The following RTN1 variants were observed in gnomAD, a reference collection of about 807,000 sequenced individuals.
RTN1 encodes reticulon-1.
RTN1 carries 25 observed loss-of-function variants against 65.5 expected under a neutral mutation model. That is an observed-to-expected ratio of 0.38 (90% CI 0.28 to 0.53). The LOEUF is 0.53. Among genes scored for constraint, RTN1 ranks in the 20% least tolerant of loss-of-function variants. The pLI is 0.79. For missense variants in RTN1, 983 were observed against 1,025.4 expected (o/e 0.96, Z 0.57); for synonymous variants, 471 against 447.6 (o/e 1.05, Z -0.66).
intron 2 of RTN1, among the ~76,000 whole-genome samples, chr14:59,731,130 A>G (rs969191709): frequency 3.9e-5 from 6 of 152,248 alleles, no homozygotes; most frequent in African/African-American, 1.4e-4. Flanking sequence ...ATAAATGGAT[A>G]AATAAAAATG....
chr14:59,744,074 T>C (rs1205853078), intron 2 of RTN1, among the ~76,000 whole-genome samples: 1 of 152,160 alleles, frequency 6.6e-6, no homozygotes, highest in Non-Finnish European at 1.5e-5. Flanking sequence ...GAAGGAACTT[T>C]GGGGAGAAGG....
intron 8 of RTN1, among the ~76,000 whole-genome samples, chr14:59,601,213 C>A (rs2140158018): frequency 6.6e-6 from 1 of 152,310 alleles, no homozygotes; most frequent in South Asian, 2.1e-4. Context: ...ACATGACTTA[C>A]ATTTTCATGC....
chr14:59,756,788 A>G (rs1429157418), intron 1 of RTN1, among the ~76,000 whole-genome samples: 1 of 128,510 alleles, frequency 7.8e-6, no homozygotes, highest in Non-Finnish European at 1.6e-5. Flanking sequence ...CCCCCCACAC[A>G]GAATTATCTT....
intron 3 of RTN1, among the ~76,000 whole-genome samples, chr14:59,616,078 T>A (rs768983756): frequency 1.6e-4 from 25 of 152,262 alleles, no homozygotes; most frequent in Non-Finnish European, 3.1e-4. Context: ...TCCTCTAAAG[T>A]CCAAAAATAA....
intron 2 of RTN1, among the ~76,000 whole-genome samples, chr14:59,731,234 A>G (rs1031762619): frequency 3.9e-5 from 6 of 152,210 alleles, no homozygotes; most frequent in African/African-American, 9.6e-5. Flanking sequence ...AAACAGTGAA[A>G]TAAGTCAGTC....
chr14:59,766,227 C>A lies in RTN1; in HGVS notation c.242-19746G>T, dbSNP rs1438251716. ...CCTGGGTGACAGAGTGAGACGCTGTCAAAAAAAAAAAATTCATTAACAATT... is the reference window on the plus strand; with the variant it reads ...CCTGGGTGACAGAGTGAGACGCTGTAAAAAAAAAAAAATTCATTAACAATT... On this transcript the variant is annotated intron_variant, in intron 1 of 8. Transcript: ENST00000267484. The surrounding 1 kb of genome is among the most constrained non-coding windows in gnomAD (Gnocchi z 4.4). Among the ~76,000 whole-genome samples, 6 of 147,704 alleles carry A rather than the reference C, an allele frequency of 4.1e-5. No homozygotes were observed. Among genetic ancestry groups the A allele is most frequent in the Non-Finnish European group, 3.0e-5 (2 of 66,588 alleles).
intron 1 of RTN1, among the ~76,000 whole-genome samples, chr14:59,763,964 T>C (rs1158555167): frequency 6.6e-6 from 1 of 152,204 alleles, no homozygotes; most frequent in Non-Finnish European, 1.5e-5. Flanking sequence ...TAGTTGCTAT[T>C]GTGAGGAAAG....
intron 1 of RTN1, among the ~76,000 whole-genome samples, chr14:59,807,632 A>G (rs969857227): frequency 2.6e-5 from 4 of 152,234 alleles, no homozygotes; most frequent in Admixed American, 2.6e-4. Flanking sequence ...GTTTCCCACA[A>G]GGAGTAACCC....
intron 3 of RTN1, among the ~76,000 whole-genome samples, chr14:59,635,942 C>T (rs1566668270): frequency 6.6e-6 from 1 of 152,020 alleles, no homozygotes; most frequent in Non-Finnish European, 1.5e-5. Context: ...TACATCTTTT[C>T]ACTTAAAGTT....
At chr14:59,723,264 ACAGT>A (rs1428337753) in intron 3 of RTN1, among the ~76,000 whole-genome samples, 1 of 152,174 alleles carries the variant, frequency 6.6e-6, no homozygotes, top group East Asian at 1.9e-4. Flanking sequence ...TGGCAAGAAG[ACAGT>A]CAGTTTCAAG....
chr14:59,813,225 T>A (rs912150039), intron 1 of RTN1, among the ~76,000 whole-genome samples: 2 of 152,212 alleles, frequency 1.3e-5, no homozygotes, highest in African/African-American at 4.8e-5. Context: ...TTTTCTGATG[T>A]GTGTCATATA....
chr14:59,697,686 GA>G (rs1265360222), intron 3 of RTN1, among the ~76,000 whole-genome samples: 5 of 152,126 alleles, frequency 3.3e-5, no homozygotes, highest in Non-Finnish European at 5.9e-5. Context: ...ATGTGAAATA[GA>G]AAAATATATA....
intron 3 of RTN1, among the ~76,000 whole-genome samples, chr14:59,622,064 A>G (rs1161154571): frequency 6.6e-6 from 1 of 152,210 alleles, no homozygotes; most frequent in African/African-American, 2.4e-5. Flanking sequence ...GGCCAGGCCC[A>G]GTGGCTCACA....
chr14:59,823,678 C>T (rs1886982537), intron 1 of RTN1, among the ~76,000 whole-genome samples: 1 of 152,136 alleles, frequency 6.6e-6, no homozygotes, highest in African/African-American at 2.4e-5. Flanking sequence ...ACATGGCCTG[C>T]CCCTTCTCTC....
At chr14:59,627,664 AAGG>A (rs747810356) in intron 3 of RTN1, among the ~76,000 whole-genome samples, 3 of 152,220 alleles carry the variant, frequency 2.0e-5, no homozygotes, top group Non-Finnish European at 4.4e-5. Flanking sequence ...TAGTATATAT[AAGG>A]AGGACTTTAG....
In RTN1 at chr14:59,819,411, ACCACCCCCCCCCCACCCC is replaced by A. The variant is rs1566737457; in HGVS notation, c.241+50961_241+50978del. On this transcript the variant is annotated intron_variant, in intron 1 of 8. Coordinates refer to ENST00000267484, the MANE Select transcript of RTN1 (RefSeq NM_021136.3). Reference sequence around the variant, plus strand: ...AGCTGATTGGTGCATCCACACCACCACCACCCCCCCCCCACCCCCCACCCCCCCCCCCCGGCCACAGCT... The same window carrying A: ...AGCTGATTGGTGCATCCACACCACCACCACCCCCCCCCCCCGGCCACAGCT... Among the ~76,000 whole-genome samples, 25 of 12,732 alleles carry A rather than the reference ACCACCCCCCCCCCACCCC, an allele frequency of 2.0e-3. 2 individuals are homozygous for A. Among genetic ancestry groups the A allele is most frequent in the Non-Finnish European group, 2.6e-3 (18 of 7,028 alleles). 8.4% of individuals were successfully genotyped at this position (12,732 alleles called of 152,430 possible). A position where few individuals can be genotyped will look rare whatever the true frequency, so the allele number is the denominator to read the frequency against.
At chr14:59,640,218 T>C (rs1882747931) in intron 3 of RTN1, among the ~76,000 whole-genome samples, 3 of 152,238 alleles carry the variant, frequency 2.0e-5, no homozygotes, top group Admixed American at 1.3e-4. Context: ...ATTTCTTTAA[T>C]AGATGTTAGG....
chr14:59,743,919 T>C (rs1885163693), intron 2 of RTN1, among the ~76,000 whole-genome samples: 1 of 152,166 alleles, frequency 6.6e-6, no homozygotes, highest in African/African-American at 2.4e-5. Context: ...TTTTCGTTAA[T>C]TCCCCATCAG....
chr14:59,750,400 T>TATA (rs1373863681), intron 1 of RTN1, among the ~76,000 whole-genome samples: 6,632 of 53,818 alleles, frequency 0.12, 775 homozygotes, highest in Middle Eastern at 0.32. Context: ...ATCTATAATA[T>TATA]ATATATTATA....
Sources: allele counts gnomAD v4.1 joint callset (sites outside exome capture counted in the v4.1 genomes callset), GRCh38; gene constraint gnomAD v4.1.1; non-coding constraint Gnocchi (gnomAD v3.1); transcripts MANE v1.5; gene names NCBI Gene and HGNC (gene_info 2026-07-23, HGNC 2026-07-21).